The following FAM135B variants were observed in gnomAD, a reference collection of about 807,000 sequenced individuals.
FAM135B encodes the protein family with sequence similarity 135 member B.
Under a neutral mutation model 127.7 loss-of-function variants are expected in FAM135B, and 43 were observed. The ratio of observed to expected loss-of-function variants is 0.34; its 90% CI spans 0.26 to 0.43. The LOEUF (loss-of-function observed/expected upper bound fraction) is 0.43, where lower values mean the gene tolerates loss of function less well. Ranked by LOEUF, FAM135B falls within the 20% of genes least tolerant of loss-of-function variation. The pLI is 1.00. For synonymous variants in FAM135B, 670 were observed against 665.1 expected (o/e 1.01, Z -0.11); for missense variants, 1,558 against 1,725.6 (o/e 0.90, Z 1.72).
chr8:138,357,627 A>T (rs764569289), intron 2 of FAM135B, among the ~76,000 whole-genome samples: 1 of 152,158 alleles, frequency 6.6e-6, no homozygotes, highest in Non-Finnish European at 1.5e-5. Flanking sequence ...CTAAAGGAAT[A>T]CATTTAAAAC....
At chr8:138,273,958 T>G (rs1823603697) in intron 3 of FAM135B, among the ~76,000 whole-genome samples, 1 of 152,166 alleles carries the variant, frequency 6.6e-6, no homozygotes, top group African/African-American at 2.4e-5. Flanking sequence ...ATGCCAGCCC[T>G]ATCTCTCTCC....
rs2130487854 is a variant in FAM135B, at chr8:138,250,964, A to T, written c.419T>A (p.Leu140Gln). The change falls in exon 6 of 20, where the codon CTG becomes CAG. Residue 140 changes from leucine to glutamine, a missense_variant. Leu to Gln is a moderately radical substitution (Grantham distance 113). Around this residue, in one of 5 missense-constraint regions of FAM135B, gnomAD observed 199 missense variants for 245.7 expected, o/e 0.81. Transcript: ENST00000395297. ...APMVSSRTLGLHFHPRNGLHH... is the reference protein window; with the variant it reads ...APMVSSRTLGQHFHPRNGLHH... ...CAGACCATTCCGGGGGTGGAAGTGC[A>T]GGCCAAGCGTTCGGCTGCTGACCAT... 1 of 1,613,950 alleles carries T rather than the reference A, an allele frequency of 6.2e-7. No homozygotes were observed. The highest frequency in any genetic ancestry group is 8.5e-7 in the Non-Finnish European group (1 of 1,180,000).
At chr8:138,281,542 T>C (rs1254453252) in intron 3 of FAM135B, among the ~76,000 whole-genome samples, 1 of 152,142 alleles carries the variant, frequency 6.6e-6, no homozygotes, top group East Asian at 1.9e-4. Context: ...TAGTCCACAT[T>C]ATACTTGGAT....
Position 138,130,225 on chromosome 8 carries a change from TTATA to T in FAM135B, c.*2364_*2367del, listed in dbSNP as rs1412370228. On this transcript the variant is annotated 3_prime_UTR_variant, in exon 20 of 20. Transcript: ENST00000395297. Reference sequence around the variant, plus strand: ...TTATATATATTTTATGTATATATATTTATATATTCGATATCTATATTTCAATAGA... The same window carrying T: ...TTATATATATTTTATGTATATATATTTATTCGATATCTATATTTCAATAGA... The T allele has an allele frequency of 6.7e-6, 1 of 150,024 alleles. No homozygotes were observed. Among genetic ancestry groups the T allele is most frequent in the African/African-American group, 2.4e-5 (1 of 41,094 alleles). 9.3% of individuals were successfully genotyped at this position (150,024 alleles called of 1,614,324 possible).
At chr8:138,402,108 C>T (rs16909107) in intron 1 of FAM135B, among the ~76,000 whole-genome samples, 2,821 of 152,104 alleles carry the variant, frequency 0.019, 83 homozygotes, top group African/African-American at 0.063. Flanking sequence ...AGGGCTCTTA[C>T]GCAGAGAAAA....
At chr8:138,202,286 G>A (rs1334959788) in intron 7 of FAM135B, among the ~76,000 whole-genome samples, 2 of 151,330 alleles carry the variant, frequency 1.3e-5, no homozygotes, top group Non-Finnish European at 2.9e-5. Context: ...GCCTTGCTTT[G>A]TTACCCAGGT....
chr8:138,491,167 A>AAAAAAAAAAAAC (rs1564040507), intron 1 of FAM135B, among the ~76,000 whole-genome samples: 19 of 151,420 alleles, frequency 1.3e-4, no homozygotes, highest in African/African-American at 4.6e-4. Context: ...AAAGAAAGAA[A>AAAAAAAAAAAAC]GAAAGAAAGA....
At chr8:138,430,465 C>T (rs1835136418) in intron 1 of FAM135B, among the ~76,000 whole-genome samples, 1 of 152,160 alleles carries the variant, frequency 6.6e-6, no homozygotes, top group Admixed American at 6.5e-5. Context: ...TGGGCACCTC[C>T]ACATCCAGCT....
chr8:138,475,194 G>T (rs1043834077), intron 1 of FAM135B, among the ~76,000 whole-genome samples: 1 of 152,136 alleles, frequency 6.6e-6, no homozygotes, highest in Non-Finnish European at 1.5e-5. Context: ...CAAACTTTGT[G>T]CAAGACTCTG....
In FAM135B at chr8:138,138,655, G is replaced by C. The variant is rs1215345783; in HGVS notation, c.3901+331C>G. On this transcript the variant is annotated intron_variant, in intron 18 of 19. Transcript: ENST00000395297. ...ATCTGCCTTTTTTGTAGATGGGCCT[G>C]TACCTGGGTGAAGCTGGCACACAGA... 2.6e-5 allele frequency among the ~76,000 whole-genome samples: 4 copies of C among 152,238 alleles called. No individual in the cohort carries two copies. In the East Asian group the frequency reaches 7.7e-4, roughly 29 times the overall value.
At chr8:138,274,608 T>TAAGCCTGG (rs1823661244) in intron 3 of FAM135B, among the ~76,000 whole-genome samples, 1 of 152,166 alleles carries the variant, frequency 6.6e-6, no homozygotes, top group Admixed American at 6.5e-5. Flanking sequence ...CTCTTCCTAA[T>TAAGCCTGG]AAGCCTGGGA....
intron 4 of FAM135B, among the ~76,000 whole-genome samples, chr8:138,259,569 G>C (rs188450292): frequency 1.8e-4 from 28 of 152,254 alleles, no homozygotes; most frequent in Admixed American, 1.7e-3. Context: ...AACCATGGGG[G>C]CTGGCCACAG....
At chr8:138,391,944 A>T (rs1587330878) in intron 1 of FAM135B, among the ~76,000 whole-genome samples, 1 of 152,282 alleles carries the variant, frequency 6.6e-6, no homozygotes, top group Middle Eastern at 3.4e-3. Context: ...GTCTCCAGGT[A>T]AGTAAACACT....
In FAM135B at chr8:138,192,012, CT is replaced by C. The variant is rs1816176206; in HGVS notation, c.873+3245del. 2.6e-5 allele frequency among the ~76,000 whole-genome samples: 4 copies of C among 152,332 alleles called. No homozygotes were observed. In the South Asian group the frequency reaches 8.3e-4, roughly 32 times the overall value. ...GGACCAGCAGCCTCACCCTGTTCTG[CT>C]TGCCGGCACTGTGGCTTTAGTCAGG... On this transcript the variant is annotated intron_variant, in intron 9 of 19. Transcript: ENST00000395297.
intron 1 of FAM135B, chr8:138,450,950 A>G (rs1272293301): frequency 6.6e-6 from 1 of 152,254 alleles, no homozygotes; most frequent in Admixed American, 6.5e-5. Context: ...TGCATAAATA[A>G]TAAAACTGAG....
In FAM135B at chr8:138,132,753, A is replaced by C; in HGVS notation, c.4061T>G (p.Val1354Gly). 1 of 1,614,200 alleles carries C rather than the reference A, an allele frequency of 6.2e-7. No homozygotes were observed. ...GATTAAAGTGCAGTCCTTGGCTTCA[A>C]CCAGAGGGCCCAGGAGGTTGTTGAT... ...EMINNLLGPL[V>G]EAKDCTLIRH... The change falls in exon 20 of 20, where the codon GTT becomes GGT. Residue 1354 changes from valine to glycine, a missense_variant. Coordinates refer to ENST00000395297, the MANE Select transcript of FAM135B (RefSeq NM_015912.4). This position sits in a 1 kb window ranked among gnomAD's most constrained non-coding sequence, Gnocchi z 4.5.
chr8:138,491,142 C>CA (rs796189435), intron 1 of FAM135B, among the ~76,000 whole-genome samples: 15,671 of 73,318 alleles, frequency 0.21, 1,112 homozygotes, highest in East Asian at 0.36. Context: ...AACTCTCTCT[C>CA]AAAAAAAAAA....
chr8:138,485,520 G>C (rs746140100), intron 1 of FAM135B, among the ~76,000 whole-genome samples: 1 of 152,228 alleles, frequency 6.6e-6, no homozygotes, highest in Non-Finnish European at 1.5e-5. Flanking sequence ...AATAGAAGCT[G>C]TTTAATTTTA....
intron 1 of FAM135B, among the ~76,000 whole-genome samples, chr8:138,460,365 C>T (rs1278350696): frequency 6.6e-6 from 1 of 152,176 alleles, no homozygotes; most frequent in Non-Finnish European, 1.5e-5. Flanking sequence ...ACACCCACAG[C>T]CCCAGAAGCT....
Sources: allele counts gnomAD v4.1 joint callset (sites outside exome capture counted in the v4.1 genomes callset), GRCh38; gene constraint gnomAD v4.1.1; regional missense constraint gnomAD v4.1.1; non-coding constraint Gnocchi (gnomAD v3.1); transcripts MANE v1.5; gene names NCBI Gene and HGNC (gene_info 2026-07-23, HGNC 2026-07-21).